AOPEP: variants seen among roughly 807,000 people sequenced by gnomAD.
AOPEP encodes aminopeptidase O (putative), also known as aminopeptidase O.
A neutral mutation model predicts 98.1 loss-of-function variants in AOPEP; 77 were observed. That is an observed-to-expected ratio of 0.78 (90% CI 0.65 to 0.95). The LOEUF (loss-of-function observed/expected upper bound fraction) is 0.95. Among genes scored for constraint, AOPEP ranks in the 40% least tolerant of loss-of-function variants. The pLI is 0.00. For synonymous variants in AOPEP, 346 were observed against 365.3 expected (o/e 0.95, Z 0.60); for missense variants, 1,024 against 1,024.7 (o/e 1.00, Z 0.01).
intron 5 of AOPEP, among the ~76,000 whole-genome samples, chr9:94,848,660 CAAAA>C (rs1338313531): frequency 3.4e-5 from 5 of 147,140 alleles, no homozygotes; most frequent in Admixed American, 6.8e-5. Flanking sequence ...AACAAAAAAA[CAAAA>C]AAAAAACATG....
At chr9:95,088,717 G>A (rs1254581949), downstream of AOPEP, among the ~76,000 whole-genome samples, 1 of 152,218 alleles carries the variant, frequency 6.6e-6, no homozygotes, top group Non-Finnish European at 1.5e-5. Flanking sequence ...AAAAGTGAAA[G>A]CCATGCTTTA....
At chr9:94,967,720 G>T in intron 9 of AOPEP, 38 bp from the exon 10 acceptor site, 3 of 1,574,954 alleles carry the variant, frequency 1.9e-6, no homozygotes, top group Non-Finnish European at 2.6e-6. Context: ...GTTATTTATT[G>T]ATGGACATCT....
chr9:94,856,007 G>T (rs1349184830), intron 5 of AOPEP, among the ~76,000 whole-genome samples: 33 of 152,158 alleles, frequency 2.2e-4, no homozygotes, highest in Admixed American at 2.2e-3. Flanking sequence ...CTTGCCTGGG[G>T]TTGCTCACAC....
intron 5 of AOPEP, among the ~76,000 whole-genome samples, chr9:94,884,988 G>A (rs1412471978): frequency 7.1e-6 from 1 of 140,412 alleles, no homozygotes; most frequent in Admixed American, 7.2e-5. Flanking sequence ...CAGCCTGGGC[G>A]ACAGAGCGAG....
the AOPEP span, among the ~76,000 whole-genome samples, chr9:95,128,908 CCTT>C: frequency 6.7e-6 from 1 of 150,086 alleles, no homozygotes; most frequent in Admixed American, 6.6e-5. Context: ...AAACCAGTCT[CCTT>C]TTTTTTTTTT....
rs181292272 is a variant in AOPEP, at chr9:95,082,507, G to A, written c.2320-68G>A. The A allele has an allele frequency of 3.2e-5, 49 of 1,544,530 alleles. No individual in the cohort carries two copies. The Admixed American group carries it at 7.5e-4, about 24-fold the overall frequency. ...TGTGTGTGGAACAAGCACAGACTGAGCTCATGTGTGCGTGTGTGTGGGTAC... is the reference window on the plus strand; with the variant it reads ...TGTGTGTGGAACAAGCACAGACTGAACTCATGTGTGCGTGTGTGTGGGTAC... On this transcript the variant is annotated intron_variant, in intron 15 of 16. Transcript: ENST00000375315.
chr9:95,029,327 C>A (rs950356327), intron 13 of AOPEP, among the ~76,000 whole-genome samples: 1 of 151,730 alleles, frequency 6.6e-6, no homozygotes, highest in African/African-American at 2.4e-5. Flanking sequence ...ATCATTCTAC[C>A]AGTCTGAATT....
At chr9:94,947,826 A>C (rs2137735291) in intron 7 of AOPEP, among the ~76,000 whole-genome samples, 1 of 152,300 alleles carries the variant, frequency 6.6e-6, no homozygotes, top group South Asian at 2.1e-4. Context: ...AAGCAGCAGC[A>C]CTGGGGTGAA....
chr9:94,832,465 A>T (rs1856200555), intron 5 of AOPEP, among the ~76,000 whole-genome samples: 2 of 152,222 alleles, frequency 1.3e-5, no homozygotes, highest in South Asian at 4.1e-4. Context: ...CTTCACCTCC[A>T]TGGGAAGGAG....
At chr9:94,917,430 C>T (rs1255019585) in intron 5 of AOPEP, among the ~76,000 whole-genome samples, 1 of 152,218 alleles carries the variant, frequency 6.6e-6, no homozygotes, top group Non-Finnish European at 1.5e-5. Context: ...CTTCCGCCCT[C>T]ATGCCTCTCT....
chr9:95,056,001 T>TAAA (rs2066783664), intron 13 of AOPEP, among the ~76,000 whole-genome samples: 1 of 152,178 alleles, frequency 6.6e-6, no homozygotes, highest in Admixed American at 6.5e-5. Context: ...TAACCATTTT[T>TAAA]GGGAAGAATT....
chr9:94,772,927 C>G, intron 2 of AOPEP, 75 bp from the exon 3 acceptor site: 1 of 1,397,982 alleles, frequency 7.2e-7, no homozygotes, highest in Non-Finnish European at 9.7e-7. Context: ...TTAACCTGCA[C>G]TACCATACTG....
At chr9:95,076,671 T>TTG in intron 14 of AOPEP, among the ~76,000 whole-genome samples, 1 of 152,320 alleles carries the variant, frequency 6.6e-6, no homozygotes, top group Non-Finnish European at 1.5e-5. Context: ...GAAAAATACA[T>TTG]TGTGTGTGTG....
intron 4 of AOPEP, among the ~76,000 whole-genome samples, chr9:94,797,601 GA>G (rs1847281973): frequency 6.6e-6 from 1 of 151,818 alleles, no homozygotes; most frequent in Non-Finnish European, 1.5e-5. Flanking sequence ...AAAACGTGCA[GA>G]TCTTAAGTGT....
chr9:94,844,869 C>T (rs899838866), intron 5 of AOPEP, among the ~76,000 whole-genome samples: 3 of 151,942 alleles, frequency 2.0e-5, no homozygotes, highest in Non-Finnish European at 4.4e-5. Flanking sequence ...TGGTATGGTA[C>T]CTGTGAGGCC....
In AOPEP at chr9:94,985,663, A is replaced by G. The variant is rs572653741; in HGVS notation, c.1977+6236A>G. On this transcript the variant is annotated intron_variant, in intron 11 of 16. Coordinates refer to ENST00000375315, the MANE Select transcript of AOPEP (RefSeq NM_001193329.3). ...TATTTTTCAAATTATATGAACTACG[A>G]TATGTTTGCTTCTTTTATATCTATA... Among the ~76,000 whole-genome samples, 44 of 152,330 alleles carry G rather than the reference A, an allele frequency of 2.9e-4. No homozygotes were observed. In the South Asian group the frequency reaches 9.1e-3, roughly 32 times the overall value.
intron 12 of AOPEP, 37 bp downstream of exon 12, chr9:95,005,257 C>A: frequency 9.5e-7 from 1 of 1,052,806 alleles, no homozygotes; most frequent in Non-Finnish European, 1.2e-6. Context: ...GCCCCGGTGG[C>A]GCCGGCGCGA....
At chr9:94,754,068 A>G (rs1299661981) in intron 1 of AOPEP, among the ~76,000 whole-genome samples, 1 of 152,250 alleles carries the variant, frequency 6.6e-6, no homozygotes, top group Non-Finnish European at 1.5e-5. Flanking sequence ...ATATACATCA[A>G]CATGTCTATA....
At chr9:95,134,650 T>G in the AOPEP span, among the ~76,000 whole-genome samples, 2 of 152,242 alleles carry the variant, frequency 1.3e-5, no homozygotes, top group Non-Finnish European at 2.9e-5. Context: ...CCTTGGTCTT[T>G]ATTCCTGTCC....
Sources: allele counts gnomAD v4.1 joint callset (sites outside exome capture counted in the v4.1 genomes callset), GRCh38; gene constraint gnomAD v4.1.1; transcripts MANE v1.5; gene names NCBI Gene and HGNC (gene_info 2026-07-23, HGNC 2026-07-21).